The following PCSK5 variants were observed in gnomAD, a reference collection of about 807,000 sequenced individuals.
PCSK5 encodes prohormone convertase 5.
PCSK5 carries 129 observed loss-of-function variants against 233.2 expected under a neutral mutation model. That is an observed-to-expected ratio of 0.55 (90% CI 0.48 to 0.64). The LOEUF is 0.64. Among genes scored for constraint, PCSK5 ranks in the 30% least tolerant of loss-of-function variants. PCSK5 has a pLI of 0.00. For synonymous variants in PCSK5, 825 were observed against 879.2 expected (o/e 0.94, Z 1.09); for missense variants, 2,076 against 2,430.1 (o/e 0.85, Z 3.06).
intron 8 of PCSK5, among the ~76,000 whole-genome samples, chr9:76,100,356 A>G (rs1295336629): frequency 6.6e-6 from 1 of 152,268 alleles, no homozygotes; most frequent in Non-Finnish European, 1.5e-5. Context: ...TAACATGTTG[A>G]AAATATCACA....
intron 14 of PCSK5, among the ~76,000 whole-genome samples, chr9:76,178,735 A>T (rs960408373): frequency 5.9e-5 from 9 of 152,206 alleles, no homozygotes; most frequent in Non-Finnish European, 1.2e-4. Context: ...ATGAATTTTC[A>T]GTGGGAAAGA....
chr9:76,252,161 G>A (rs532976882), intron 24 of PCSK5, among the ~76,000 whole-genome samples: 3 of 152,208 alleles, frequency 2.0e-5, no homozygotes, highest in Non-Finnish European at 2.9e-5. Flanking sequence ...CCAGCTACTC[G>A]GGAGGCTGAG....
chr9:76,172,306 A>G (rs989146219), intron 13 of PCSK5, among the ~76,000 whole-genome samples: 1 of 152,186 alleles, frequency 6.6e-6, no homozygotes, highest in Non-Finnish European at 1.5e-5. Context: ...CTATTTCATA[A>G]TAACAGGTTT....
At chr9:76,213,975 C>T (rs1825424117) in intron 20 of PCSK5, among the ~76,000 whole-genome samples, 1 of 152,130 alleles carries the variant, frequency 6.6e-6, no homozygotes, top group African/African-American at 2.4e-5. Context: ...GAATGAATTC[C>T]TCACACTTAG....
intron 2 of PCSK5, among the ~76,000 whole-genome samples, chr9:75,965,024 A>G (rs1401549014): frequency 6.6e-6 from 1 of 152,198 alleles, no homozygotes; most frequent in East Asian, 1.9e-4. Context: ...TCCTATCACA[A>G]ATAAGTTGTG....
At chr9:76,158,367 A>G (rs1822697646) in intron 11 of PCSK5, among the ~76,000 whole-genome samples, 1 of 152,326 alleles carries the variant, frequency 6.6e-6, no homozygotes, top group African/African-American at 2.4e-5. Flanking sequence ...TAGTGTGTGC[A>G]AAGTCCCCAA....
At chr9:75,935,702 T>C (rs1392816850) in intron 2 of PCSK5, among the ~76,000 whole-genome samples, 1 of 152,212 alleles carries the variant, frequency 6.6e-6, no homozygotes, top group Admixed American at 6.5e-5. Context: ...TAGAAATCAT[T>C]TAACAAGTAC....
intron 22 of PCSK5, among the ~76,000 whole-genome samples, chr9:76,238,316 T>C (rs1283823425): frequency 3.9e-5 from 6 of 152,214 alleles, no homozygotes; most frequent in African/African-American, 1.2e-4. Context: ...TGTTAGGCTG[T>C]GGGCACTGCT....
chr9:76,154,724 T>TCAATTTCC (rs915499247), intron 10 of PCSK5, among the ~76,000 whole-genome samples: 1 of 152,170 alleles, frequency 6.6e-6, no homozygotes, highest in African/African-American at 2.4e-5. Context: ...GGTAAAAATT[T>TCAATTTCC]CAATTTCCCC....
In PCSK5 at chr9:75,931,628, T is replaced by C. The variant is rs564181736; in HGVS notation, c.193-751T>C. On this transcript the variant is annotated intron_variant, in intron 1 of 37. Coordinates refer to ENST00000674117, the MANE Select transcript of PCSK5 (RefSeq NM_001372043.1). ...ATGGTTGGTTGAGGTTTTGCTAGTT[T>C]GCTTTCCCAAAGTGGACAGGGGCTT... Among the ~76,000 whole-genome samples the C allele has an allele frequency of 3.9e-5, 6 of 152,362 alleles. No homozygotes were observed. The East Asian group carries it at 9.6e-4, about 24-fold the overall frequency.
intron 9 of PCSK5, 58 bp downstream of exon 9, chr9:76,107,409 G>T (rs368771370): frequency 8.1e-6 from 9 of 1,115,936 alleles, no homozygotes; most frequent in Non-Finnish European, 4.0e-6. Flanking sequence ...CAGGGAAAAC[G>T]TACCCCTTCC....
intron 5 of PCSK5, among the ~76,000 whole-genome samples, chr9:76,046,181 T>TTTTTTTTTTTTTTTTTTTTA (rs1829379956): frequency 8.1e-6 from 1 of 122,978 alleles, no homozygotes; most frequent in African/African-American, 3.2e-5. Flanking sequence ...TTTTTTTTTT[T>TTTTTTTTTTTTTTTTTTTTA]TTTTTTTTTT....
intron 3 of PCSK5, among the ~76,000 whole-genome samples, chr9:75,988,309 A>G (rs1826614757): frequency 6.7e-6 from 1 of 149,602 alleles, no homozygotes; most frequent in South Asian, 2.1e-4. Flanking sequence ...TTTTTTTGAC[A>G]GAGTCTCGCT....
At chr9:76,010,918 T>C (rs1350620057) in intron 3 of PCSK5, among the ~76,000 whole-genome samples, 1 of 152,172 alleles carries the variant, frequency 6.6e-6, no homozygotes, top group African/African-American at 2.4e-5. Context: ...AGTATTCCAG[T>C]TTACCTTGAA....
intron 10 of PCSK5, among the ~76,000 whole-genome samples, chr9:76,144,065 G>A (rs1823335640): frequency 6.6e-6 from 1 of 150,910 alleles, no homozygotes; most frequent in African/African-American, 2.5e-5. Flanking sequence ...CACCTATTAT[G>A]CAAGCAGAAT....
rs77219665 is a variant in PCSK5 at position 75,914,115 on chromosome 9, C to T, written c.193-18264C>T. 5.4e-3 allele frequency among the ~76,000 whole-genome samples: 826 copies of T among 152,220 alleles called. 5 individuals are homozygous for T. The highest frequency in any genetic ancestry group is 0.019 in the African/African-American group (789 of 41,544). On this transcript the variant is annotated intron_variant, in intron 1 of 37. Transcript: ENST00000674117. ...TTATCTACAAATCGTGTCACAAATTCGCTGTATCATCATGTACCTGGAATG... is the reference window on the plus strand; with the variant it reads ...TTATCTACAAATCGTGTCACAAATTTGCTGTATCATCATGTACCTGGAATG...
At chr9:76,029,633 T>C (rs1828572943) in intron 5 of PCSK5, among the ~76,000 whole-genome samples, 1 of 152,186 alleles carries the variant, frequency 6.6e-6, no homozygotes, top group African/African-American at 2.4e-5. Context: ...ATAAGACTTT[T>C]TTAAAGCCAA....
At chr9:76,331,951 G>T (rs561697937) in intron 33 of PCSK5, among the ~76,000 whole-genome samples, 11 of 152,322 alleles carry the variant, frequency 7.2e-5, no homozygotes, top group Admixed American at 5.9e-4. Context: ...CCAAGTTGGG[G>T]ATACTTCATA....
At chr9:76,016,458 T>G (rs1827952904) in intron 3 of PCSK5, among the ~76,000 whole-genome samples, 1 of 152,200 alleles carries the variant, frequency 6.6e-6, no homozygotes, top group South Asian at 2.1e-4. Flanking sequence ...AATCAGTTCT[T>G]TGAACTGAGG....
Sources: gnomAD v4.1 joint callset for allele counts (sites outside exome capture counted in the v4.1 genomes callset) on GRCh38, gnomAD v4.1.1 for gene constraint, MANE v1.5 for transcripts, NCBI Gene and HGNC (gene_info 2026-07-23, HGNC 2026-07-21) for gene names.